Variants in CAMTA1 observed in about 807,000 individuals in gnomAD.
CAMTA1 encodes calmodulin binding transcription activator 1.
In CAMTA1, 27 loss-of-function variants were observed where a neutral mutation model predicts 170.9. That is an observed-to-expected ratio of 0.16 (90% CI 0.12 to 0.22). The LOEUF is 0.22. Among genes scored for constraint, CAMTA1 ranks in the 10% least tolerant of loss-of-function variants. The pLI is 1.00. For missense variants in CAMTA1, 1,619 were observed against 2,217.2 expected (o/e 0.73, Z 5.42); for synonymous variants, 833 against 891.5 (o/e 0.93, Z 1.17).
chr1:6,787,621 G>T (rs890505769), intron 1 of CAMTA1, among the ~76,000 whole-genome samples: 31 of 152,188 alleles, frequency 2.0e-4, no homozygotes, highest in Non-Finnish European at 4.3e-4. Flanking sequence ...AACGTTGTTG[G>T]TAACTCTTCA....
intron 3 of CAMTA1, among the ~76,000 whole-genome samples, chr1:6,942,497 C>T (rs569595832): frequency 2.6e-5 from 4 of 151,744 alleles, no homozygotes; most frequent in African/African-American, 9.7e-5. Context: ...TATTTCTACA[C>T]AAAAATAATG....
chr1:7,373,162 C>T (rs1406162357), intron 5 of CAMTA1, among the ~76,000 whole-genome samples: 1 of 152,174 alleles, frequency 6.6e-6, no homozygotes, highest in Non-Finnish European at 1.5e-5. Flanking sequence ...TTGTGGGGGG[C>T]TGTCCTGTGC....
rs1669332088 is a variant in CAMTA1, at chr1:7,269,145, C to T, written c.438+19519C>T. Among the ~76,000 whole-genome samples, 3 of 152,236 alleles carry T rather than the reference C, an allele frequency of 2.0e-5. No individual in the cohort carries two copies. In the South Asian group the frequency reaches 6.2e-4, roughly 32 times the overall value. On this transcript the variant is annotated intron_variant, in intron 5 of 22. Coordinates refer to ENST00000303635, the MANE Select transcript of CAMTA1 (RefSeq NM_015215.4). ...GACTGAGTCCTCTGCATCAGGGCCT[C>T]TCACAAGGCTGAAATCAAGGTGTGA... is the stretch of plus-strand genomic sequence containing the variant.
chr1:6,825,751 G>A (rs1001568940), intron 3 of CAMTA1, among the ~76,000 whole-genome samples: 3 of 152,174 alleles, frequency 2.0e-5, no homozygotes, highest in Admixed American at 2.0e-4. Flanking sequence ...CAATTAGAAA[G>A]TAGATTTATG....
intron 3 of CAMTA1, among the ~76,000 whole-genome samples, chr1:7,002,982 G>A (rs1173573301): frequency 1.3e-5 from 2 of 152,224 alleles, no homozygotes; most frequent in East Asian, 3.8e-4. Context: ...ATGGTAAAGA[G>A]CATGGTAAAT....
intron 5 of CAMTA1, among the ~76,000 whole-genome samples, chr1:7,414,658 T>C (rs1318690416): frequency 1.3e-5 from 2 of 152,220 alleles, no homozygotes; most frequent in Non-Finnish European, 2.9e-5. Flanking sequence ...TTTTCTTCTT[T>C]ATTATTCTTG....
At chr1:7,541,580 A>G (rs191660231) in intron 6 of CAMTA1, among the ~76,000 whole-genome samples, 6 of 152,396 alleles carry the variant, frequency 3.9e-5, no homozygotes, top group Non-Finnish European at 1.5e-5. Context: ...CGTATTGATT[A>G]CTTAGAACCT....
chr1:7,138,990 G>A (rs1229745672), intron 4 of CAMTA1, among the ~76,000 whole-genome samples: 1 of 138,260 alleles, frequency 7.2e-6, no homozygotes, highest in African/African-American at 2.7e-5. Context: ...GCAAGACTCT[G>A]TCTCAAAAAA....
At chr1:6,976,630 C>A (rs960247275) in intron 3 of CAMTA1, among the ~76,000 whole-genome samples, 1 of 152,068 alleles carries the variant, frequency 6.6e-6, no homozygotes, top group Non-Finnish European at 1.5e-5. Context: ...AGGACATGGG[C>A]CAGGATGATC....
intron 5 of CAMTA1, among the ~76,000 whole-genome samples, chr1:7,340,663 T>C (rs1221007579): frequency 1.3e-5 from 2 of 150,892 alleles, no homozygotes. Context: ...AATCCATCTA[T>C]TCATGCATTC....
intron 6 of CAMTA1, among the ~76,000 whole-genome samples, chr1:7,589,070 A>G (rs2150463744): frequency 6.6e-6 from 1 of 152,346 alleles, no homozygotes; most frequent in East Asian, 1.9e-4. Flanking sequence ...CTCCGTGAGA[A>G]GAGGGCTTAG....
chr1:7,433,426 G>T (rs750781891), intron 5 of CAMTA1, among the ~76,000 whole-genome samples: 67 of 152,164 alleles, frequency 4.4e-4, no homozygotes, highest in Admixed American at 1.7e-3. Context: ...CCCACTCCTG[G>T]CCAGGCCCAG....
chr1:6,797,761 G>T (rs901401302), intron 1 of CAMTA1, among the ~76,000 whole-genome samples: 14 of 152,032 alleles, frequency 9.2e-5, no homozygotes, highest in African/African-American at 3.1e-4. Flanking sequence ...CTAGAGCTTT[G>T]TGTTCCTTTA....
rs536495660 is a variant in CAMTA1, at chr1:7,607,257, T to C, written c.511-33143T>C. Among the ~76,000 whole-genome samples, 71 of 150,044 alleles carry C rather than the reference T, an allele frequency of 4.7e-4. 1 individual carries two copies. The highest frequency in any genetic ancestry group is 1.7e-3 in the African/African-American group (68 of 40,618). ...GCAGCTGGATGGATGGGTGAATGGGTGGGTAGCTGGATGGATGGATGGATG... is the reference window on the plus strand; with the variant it reads ...GCAGCTGGATGGATGGGTGAATGGGCGGGTAGCTGGATGGATGGATGGATG... On this transcript the variant is annotated intron_variant, in intron 6 of 22. Transcript: ENST00000303635.
At chr1:7,037,973 G>A (rs1703887327) in intron 3 of CAMTA1, among the ~76,000 whole-genome samples, 1 of 150,906 alleles carries the variant, frequency 6.6e-6, no homozygotes, top group African/African-American at 2.4e-5. Context: ...TGGCTTCGGA[G>A]TGAAATTGCT....
At chr1:7,172,727 A>G (rs530120173) in intron 4 of CAMTA1, among the ~76,000 whole-genome samples, 1 of 152,232 alleles carries the variant, frequency 6.6e-6, no homozygotes, top group East Asian at 1.9e-4. Context: ...TTCCCTGGGG[A>G]GACAGGAGGA....
chr1:7,698,043 C>CTCTGTCAGG (rs2096395117), intron 11 of CAMTA1, among the ~76,000 whole-genome samples: 1 of 148,746 alleles, frequency 6.7e-6, no homozygotes, highest in Non-Finnish European at 1.5e-5. Context: ...GGGGCACCTG[C>CTCTGTCAGG]TCTGTCAGGT....
chr1:7,481,955 A>G (rs938969282), intron 6 of CAMTA1, among the ~76,000 whole-genome samples: 3 of 151,920 alleles, frequency 2.0e-5, no homozygotes, highest in Non-Finnish European at 4.4e-5. Context: ...TCACCCCAGA[A>G]AGTACCCATG....
chr1:6,789,440 C>T (rs114273035), intron 1 of CAMTA1, among the ~76,000 whole-genome samples: 72 of 152,302 alleles, frequency 4.7e-4, no homozygotes, highest in African/African-American at 1.6e-3. Context: ...AAAATCTTAA[C>T]GTTTTTTTCC....
Sources: allele counts gnomAD v4.1 joint callset (sites outside exome capture counted in the v4.1 genomes callset), GRCh38; gene constraint gnomAD v4.1.1; transcripts MANE v1.5; gene names NCBI Gene and HGNC (gene_info 2026-07-23, HGNC 2026-07-21).